The following ITPK1 variants were observed in gnomAD, a reference collection of about 807,000 sequenced individuals.
ITPK1 encodes the protein inositol 1,3,4-trisphosphate 5/6-kinase.
ITPK1 carries 21 observed loss-of-function variants against 45.3 expected under a neutral mutation model. The observed-to-expected ratio is 0.46, with a 90% CI of 0.33 to 0.67. The LOEUF (loss-of-function observed/expected upper bound fraction) is 0.67, where lower values mean the gene tolerates loss of function less well. ITPK1 is among the 30% of genes least tolerant of loss of function. ITPK1 has a pLI of 0.02. For synonymous variants in ITPK1, 258 were observed against 253.6 expected (o/e 1.02, Z -0.16); for missense variants, 474 against 573.5 (o/e 0.83, Z 1.77).
intron 3 of ITPK1, among the ~76,000 whole-genome samples, chr14:93,066,890 A>T (rs1890780101): frequency 6.6e-6 from 1 of 152,146 alleles, no homozygotes; most frequent in Admixed American, 6.5e-5. Flanking sequence ...CTGGACAAGG[A>T]GCACAGTCCA....
chr14:93,051,619 GAA>G (rs11442406), intron 3 of ITPK1, among the ~76,000 whole-genome samples: 2 of 129,782 alleles, frequency 1.5e-5, no homozygotes, highest in African/African-American at 3.0e-5. Context: ...TGTCTCAAAA[GAA>G]AAAAAAAAAA....
chr14:93,008,622 G>A (rs1285680782), intron 4 of ITPK1, among the ~76,000 whole-genome samples: 1 of 152,210 alleles, frequency 6.6e-6, no homozygotes, highest in African/African-American at 2.4e-5. Context: ...GGTCAGCAGA[G>A]GCCCAGCGCG....
chr14:93,043,864 A>G (rs1193685699), intron 3 of ITPK1, among the ~76,000 whole-genome samples: 4 of 152,094 alleles, frequency 2.6e-5, no homozygotes, highest in East Asian at 3.9e-4. Flanking sequence ...AGGCCCCAAT[A>G]CACATCTTCC....
intron 5 of ITPK1, among the ~76,000 whole-genome samples, chr14:92,986,988 A>C (rs11846054): frequency 2.0e-5 from 3 of 152,314 alleles, no homozygotes; most frequent in African/African-American, 7.2e-5. Context: ...CCCTGTCCAC[A>C]GTGCCCACAG....
intron 3 of ITPK1, among the ~76,000 whole-genome samples, chr14:93,028,216 A>G (rs1888845774): frequency 6.6e-6 from 1 of 152,088 alleles, no homozygotes; most frequent in Non-Finnish European, 1.5e-5. Context: ...CCTTCCCTAG[A>G]CCCCATTCAT....
intron 3 of ITPK1, among the ~76,000 whole-genome samples, chr14:93,042,862 T>C (rs1365825621): frequency 6.6e-6 from 1 of 151,778 alleles, no homozygotes; most frequent in Non-Finnish European, 1.5e-5. Context: ...TACTAAAAAC[T>C]CAAGAATTAC....
At chr14:93,026,596 G>A (rs909472899) in intron 3 of ITPK1, among the ~76,000 whole-genome samples, 10 of 152,136 alleles carry the variant, frequency 6.6e-5, no homozygotes, top group African/African-American at 1.9e-4. Context: ...AACCTTTCTC[G>A]TCCAGGAGTC....
intron 3 of ITPK1, among the ~76,000 whole-genome samples, chr14:93,033,144 T>C (rs1410344811): frequency 6.6e-6 from 1 of 152,212 alleles, no homozygotes; most frequent in South Asian, 2.1e-4. Context: ...CAGAGGCCTG[T>C]GATTAAGTGT....
intron 4 of ITPK1, among the ~76,000 whole-genome samples, chr14:93,006,067 T>C (rs532258270): frequency 6.6e-6 from 1 of 152,208 alleles, no homozygotes; most frequent in Non-Finnish European, 1.5e-5. Flanking sequence ...AGCGGCTGGC[T>C]GAGCAGCAGA....
intron 10 of ITPK1, among the ~76,000 whole-genome samples, chr14:92,945,604 G>C (rs1887646318): frequency 1.3e-5 from 2 of 152,226 alleles, no homozygotes; most frequent in South Asian, 4.1e-4. Context: ...GCTGCTGCGG[G>C]AGGTAAACAA....
intron 4 of ITPK1, among the ~76,000 whole-genome samples, chr14:93,015,231 G>A (rs1888116635): frequency 6.6e-6 from 1 of 152,214 alleles, no homozygotes. Context: ...GCTCTGCTGG[G>A]TCCCTGTGGA....
intron 3 of ITPK1, chr14:93,066,222 C>T (rs1171006751): frequency 4.4e-6 from 2 of 455,792 alleles, no homozygotes; most frequent in Admixed American, 4.7e-5. Flanking sequence ...AGACCACGTG[C>T]TCCTCAGAGA....
intron 3 of ITPK1, among the ~76,000 whole-genome samples, chr14:93,021,038 A>G (rs1210450242): frequency 1.3e-5 from 2 of 152,064 alleles, no homozygotes; most frequent in African/African-American, 2.4e-5. Flanking sequence ...AATGTCAGCT[A>G]TTGTATTTCC....
intron 3 of ITPK1, among the ~76,000 whole-genome samples, chr14:93,058,431 G>A (rs1454321550): frequency 3.5e-5 from 3 of 85,746 alleles, no homozygotes; most frequent in Non-Finnish European, 7.1e-5. Context: ...TGCGGGTCAC[G>A]AGGCAGGGGT....
chr14:92,990,999 A>G (rs533071029), intron 5 of ITPK1, among the ~76,000 whole-genome samples: 1 of 151,562 alleles, frequency 6.6e-6, no homozygotes, highest in South Asian at 2.1e-4. Flanking sequence ...GAGCAGTCTT[A>G]CTGCCGGGGC....
chr14:93,024,742 C>T (rs1888646907), intron 3 of ITPK1, among the ~76,000 whole-genome samples: 1 of 152,210 alleles, frequency 6.6e-6, no homozygotes, highest in Non-Finnish European at 1.5e-5. Context: ...CCATTTTACA[C>T]ATGAAGCAAG....
At chr14:93,098,909 G>A (rs1196743061) in intron 2 of ITPK1, among the ~76,000 whole-genome samples, 1 of 152,156 alleles carries the variant, frequency 6.6e-6, no homozygotes, top group African/African-American at 2.4e-5. Context: ...CTCTGAGCAG[G>A]CCTTGCCCTC....
At chr14:92,982,944 A>G (rs1383238807) in intron 5 of ITPK1, among the ~76,000 whole-genome samples, 1 of 152,298 alleles carries the variant, frequency 6.6e-6, no homozygotes, top group African/African-American at 2.4e-5. Context: ...CAAGCTGTGG[A>G]GAGAAAACAC....
intron 4 of ITPK1, among the ~76,000 whole-genome samples, chr14:93,005,421 G>C (rs933008085): frequency 4.6e-5 from 7 of 152,200 alleles, no homozygotes; most frequent in South Asian, 2.1e-4. Flanking sequence ...GCACCAGACA[G>C]GGGCAAGATG....
Sources: gnomAD v4.1 joint callset for allele counts (sites outside exome capture counted in the v4.1 genomes callset) on GRCh38, gnomAD v4.1.1 for gene constraint, MANE v1.5 for transcripts, NCBI Gene and HGNC (gene_info 2026-07-23, HGNC 2026-07-21) for gene names.